The following ATXN1 variants were observed in gnomAD, a reference collection of about 807,000 sequenced individuals.
ATXN1 encodes the protein ataxin-1.
A neutral mutation model predicts 56.4 loss-of-function variants in ATXN1; 8 were observed. That is an observed-to-expected ratio of 0.14 (90% CI 0.08 to 0.26). The LOEUF (loss-of-function observed/expected upper bound fraction) is 0.26. Ranked by LOEUF, ATXN1 falls within the 10% of genes least tolerant of loss-of-function variation. The pLI is 1.00. For synonymous variants in ATXN1, 514 were observed against 494.6 expected, an observed-to-expected ratio of 1.04 and a Z score of -0.52; for missense variants, 987 against 1,106.5, an observed-to-expected ratio of 0.89 and a Z score of 1.53.
chr6:16,688,143 C>G (rs1028904955), intron 2 of ATXN1, among the ~76,000 whole-genome samples: 6 of 151,944 alleles, frequency 3.9e-5, no homozygotes, highest in African/African-American at 9.7e-5. Flanking sequence ...ACAGTGGTTA[C>G]CTAAAATAAA....
intron 6 of ATXN1, among the ~76,000 whole-genome samples, chr6:16,399,543 T>C (rs1296157956): frequency 1.3e-5 from 2 of 152,202 alleles, no homozygotes; most frequent in Admixed American, 6.5e-5. Context: ...AAGTCATTTC[T>C]GCCTCATGGT....
chr6:16,457,264 C>T (rs2113620962), intron 6 of ATXN1, among the ~76,000 whole-genome samples: 1 of 152,196 alleles, frequency 6.6e-6, no homozygotes, highest in African/African-American at 2.4e-5. Context: ...TAAATCTGAC[C>T]TTCCTCAGTC....
chr6:16,601,810 A>G (rs2113780937), intron 3 of ATXN1, among the ~76,000 whole-genome samples: 1 of 152,292 alleles, frequency 6.6e-6, no homozygotes, highest in East Asian at 1.9e-4. Context: ...CCAAGATTGC[A>G]CCACTGCATT....
At chr6:16,397,805 A>G (rs1487658913) in intron 6 of ATXN1, among the ~76,000 whole-genome samples, 1 of 152,208 alleles carries the variant, frequency 6.6e-6, no homozygotes, top group African/African-American at 2.4e-5. Context: ...GTTGGCAAGA[A>G]CTCACACAAG....
At chr6:16,406,229 A>C (rs1208139380) in intron 6 of ATXN1, among the ~76,000 whole-genome samples, 2 of 152,226 alleles carry the variant, frequency 1.3e-5, no homozygotes, top group East Asian at 3.8e-4. Flanking sequence ...TGATGAGGTC[A>C]ACAGCATTCT....
At chr6:16,743,867 C>T (rs1760431172) in intron 2 of ATXN1, among the ~76,000 whole-genome samples, 3 of 151,936 alleles carry the variant, frequency 2.0e-5, no homozygotes, top group South Asian at 2.1e-4. Flanking sequence ...GCGATGGGAC[C>T]GACGTGGGAC....
chr6:16,300,471 C>T lies in ATXN1; in HGVS notation c.*5858G>A, dbSNP rs1452969101. 6.6e-6 allele frequency: 1 copy of T among 152,346 alleles called. No homozygotes were observed. The highest frequency in any genetic ancestry group is 1.5e-5 in the Non-Finnish European group (1 of 68,022). 9.4% of individuals were successfully genotyped at this position (152,346 alleles called of 1,614,324 possible). A position where few individuals can be genotyped will look rare whatever the true frequency, so the allele number is the denominator to read the frequency against. ...ATTGTAAGTGGGGGTGCTTAATATCCCCACAGCTGTCCAGTTTCCACTGTC... is the reference window on the plus strand; with the variant it reads ...ATTGTAAGTGGGGGTGCTTAATATCTCCACAGCTGTCCAGTTTCCACTGTC... On this transcript the variant is annotated 3_prime_UTR_variant, in exon 8 of 8. Transcript: ENST00000436367.
chr6:16,369,720 G>A (rs1444569949), intron 6 of ATXN1, among the ~76,000 whole-genome samples: 1 of 151,824 alleles, frequency 6.6e-6, no homozygotes, highest in Non-Finnish European at 1.5e-5. Context: ...TTACCTTAAA[G>A]ATAAACTCTC....
At chr6:16,529,213 T>C (rs949665355) in intron 4 of ATXN1, among the ~76,000 whole-genome samples, 1 of 150,622 alleles carries the variant, frequency 6.6e-6, no homozygotes, top group African/African-American at 2.4e-5. Flanking sequence ...TTTTTGTTTT[T>C]TTTTTTTTTT....
At chr6:16,737,469 A>C (rs1005079413) in intron 2 of ATXN1, 14 of 152,370 alleles carry the variant, frequency 9.2e-5, no homozygotes, top group Admixed American at 7.8e-4. Flanking sequence ...TGATGCCAAA[A>C]TGAATCTCAT....
In ATXN1 at chr6:16,553,792, C is replaced by T. The variant is rs551102375; in HGVS notation, c.-360-31104G>A. ...GACCATCCCTACTAGGAATGTGTCA[C>T]GCCCCTAAATGAGACTGTGAGTTTT... is the stretch of plus-strand genomic sequence containing the variant. On this transcript the variant is annotated intron_variant, in intron 4 of 7. Coordinates refer to ENST00000436367, the MANE Select transcript of ATXN1 (RefSeq NM_001128164.2). Among the ~76,000 whole-genome samples, 10 of 152,250 alleles carry T rather than the reference C, an allele frequency of 6.6e-5. No homozygotes were observed. In the East Asian group the frequency reaches 1.2e-3, roughly 18 times the overall value.
intron 2 of ATXN1, among the ~76,000 whole-genome samples, chr6:16,710,870 G>A (rs1581385291): frequency 6.6e-6 from 1 of 151,962 alleles, no homozygotes; most frequent in East Asian, 1.9e-4. Flanking sequence ...TTACAGGCAT[G>A]AGCCACCACA....
At chr6:16,693,120 C>A (rs1759084401) in intron 2 of ATXN1, among the ~76,000 whole-genome samples, 1 of 152,200 alleles carries the variant, frequency 6.6e-6, no homozygotes, top group African/African-American at 2.4e-5. Flanking sequence ...ACCAGAAGAA[C>A]TGATATCTAC....
chr6:16,625,407 G>T (rs918961515), intron 3 of ATXN1, among the ~76,000 whole-genome samples: 7 of 152,130 alleles, frequency 4.6e-5, no homozygotes, highest in African/African-American at 1.7e-4. Context: ...CCTGGAGGGG[G>T]CTAGGGATTT....
At chr6:16,420,620 A>G (rs1402883531) in intron 6 of ATXN1, among the ~76,000 whole-genome samples, 1 of 152,222 alleles carries the variant, frequency 6.6e-6, no homozygotes, top group Non-Finnish European at 1.5e-5. Context: ...AATACCCTGA[A>G]GCTGACTCTA....
rs112593783 is a variant in ATXN1, at chr6:16,361,239, AT to A, written c.-160-32770del. 4.8e-3 allele frequency among the ~76,000 whole-genome samples: 738 copies of A among 152,306 alleles called. 6 individuals carry two copies. Among genetic ancestry groups the A allele is most frequent in the African/African-American group, 0.016 (677 of 41,562 alleles). On this transcript the variant is annotated intron_variant, in intron 6 of 7. Transcript: ENST00000436367. ...AAAGGGTAATAGTGATTATTACAAA[AT>A]TCAGGGGTAACAAGGGTGAAAGAGA... is the stretch of plus-strand genomic sequence containing the variant.
chr6:16,680,729 C>T (rs1441952993), intron 2 of ATXN1, among the ~76,000 whole-genome samples: 1 of 152,128 alleles, frequency 6.6e-6, no homozygotes, highest in Non-Finnish European at 1.5e-5. Context: ...AATTCTTAAA[C>T]AACCAGAAAA....
chr6:16,463,281 C>G (rs552284310), intron 6 of ATXN1, among the ~76,000 whole-genome samples: 1 of 152,222 alleles, frequency 6.6e-6, no homozygotes, highest in East Asian at 1.9e-4. Context: ...TCCCCACTAA[C>G]TGGACAGGCA....
At chr6:16,454,312 C>G (rs1759823021) in intron 6 of ATXN1, among the ~76,000 whole-genome samples, 1 of 151,968 alleles carries the variant, frequency 6.6e-6, no homozygotes, top group Non-Finnish European at 1.5e-5. Context: ...CATTGTTTTC[C>G]CCACTCCATA....
Sources: gnomAD v4.1 joint callset for allele counts (sites outside exome capture counted in the v4.1 genomes callset) on GRCh38, gnomAD v4.1.1 for gene constraint, MANE v1.5 for transcripts, NCBI Gene and HGNC (gene_info 2026-07-23, HGNC 2026-07-21) for gene names.